TCFL5: variants seen among roughly 807,000 people sequenced by gnomAD.
TCFL5 encodes transcription factor-like 5 protein.
A neutral mutation model predicts 44.3 loss-of-function variants in TCFL5; 9 were observed. That is an observed-to-expected ratio of 0.20 (90% CI 0.12 to 0.35). TCFL5 has a LOEUF of 0.35. TCFL5 is among the 10% of genes least tolerant of loss of function. The probability of loss-of-function intolerance (pLI) is 1.00; values close to 1 mark genes in which losing one functional copy is unlikely to be tolerated. For synonymous variants in TCFL5, 319 were observed against 271.6 expected (o/e 1.17, Z -1.72); for missense variants, 603 against 613.4 (o/e 0.98, Z 0.18).
chr20:62,861,544 C>G lies in TCFL5; in HGVS notation c.127G>C (p.Asp43His). 8.7e-7 allele frequency: 1 copy of G among 1,153,560 alleles called. No homozygotes were observed. Among genetic ancestry groups the G allele is most frequent in the Non-Finnish European group, 1.1e-6 (1 of 923,488 alleles). 71.5% of individuals were successfully genotyped at this position (1,153,560 alleles called of 1,614,324 possible). A position where few individuals can be genotyped will look rare whatever the true frequency, so the allele number is the denominator to read the frequency against. ...TCCGTCATCTCCACCAGGCTCAGGTCGGTGGTCGTGAAGCTCAGCCCCGGC... is the reference window on the plus strand; with the variant it reads ...TCCGTCATCTCCACCAGGCTCAGGTGGGTGGTCGTGAAGCTCAGCCCCGGC... Reference protein sequence around the residue: ...GEPGLSFTTTDLSLVEMTEVE... With the variant: ...GEPGLSFTTTHLSLVEMTEVE... The change falls in exon 1 of 6, where the codon GAC (aspartate) becomes CAC (histidine). Residue 43 changes from aspartate (D) to histidine (H), a missense_variant. By Grantham distance (81) the Asp-to-His change is moderately conservative. Transcript: ENST00000335351. This position sits in a 1 kb window ranked among gnomAD's most constrained non-coding sequence, Gnocchi z 4.0.
At chr20:62,860,348 G>C (rs990472028) in intron 1 of TCFL5, 40 bp from the exon 2 acceptor site, 1 of 1,561,586 alleles carries the variant, frequency 6.4e-7, no homozygotes, top group Non-Finnish European at 8.8e-7. Context: ...TCAGCAATAC[G>C]TGGCAGACAA....
chr20:62,844,074 G>T (rs554264781), intron 5 of TCFL5, among the ~76,000 whole-genome samples: 1 of 152,240 alleles, frequency 6.6e-6, no homozygotes, highest in South Asian at 2.1e-4. Flanking sequence ...ATCCATTTGG[G>T]TCCCTGTTTC....
At chr20:62,851,560 A>G (rs2063810046) in intron 5 of TCFL5, 1 of 985,298 alleles carries the variant, frequency 1.0e-6, no homozygotes, top group Non-Finnish European at 1.2e-6. Flanking sequence ...AATCTTCAAG[A>G]GTAACTGCAT....
chr20:62,853,648 G>T (rs2063845647), intron 5 of TCFL5, among the ~76,000 whole-genome samples: 1 of 152,162 alleles, frequency 6.6e-6, no homozygotes, highest in Admixed American at 6.5e-5. Flanking sequence ...ACTGTGGCTG[G>T]CCGGTTTTTG....
rs1174108428 is a variant in TCFL5 at position 62,861,145 on chromosome 20, C to T, written c.526G>A (p.Glu176Lys). The T allele has an allele frequency of 2.9e-5, 29 of 1,004,820 alleles. No homozygotes were observed. Among genetic ancestry groups the T allele is most frequent in the Non-Finnish European group, 3.3e-5 (28 of 845,138 alleles). The allele number at this position is 1,004,820 out of a possible 1,614,324, so 62.2% of individuals were successfully genotyped here. ...CGCACGGCCGGCTTGGCCCGGGCCT[C>T]GGGCGCGCCGTCGGGTCCAGCCGCA... ...AAAAGPDGAPEARAKPAVRVR... is the reference protein window; with the variant it reads ...AAAAGPDGAPKARAKPAVRVR... The change falls in exon 1 of 6, where the codon GAG becomes AAG. Residue 176 changes from glutamate to lysine, a missense_variant. By Grantham distance (56) the Glu-to-Lys change is moderately conservative. Transcript: ENST00000335351. The surrounding 1 kb of genome is among the most constrained non-coding windows in gnomAD (Gnocchi z 4.0).
At chr20:62,857,703 A>G in intron 3 of TCFL5, 65 bp from the exon 4 acceptor site, 2 of 1,558,128 alleles carry the variant, frequency 1.3e-6, no homozygotes, top group Admixed American at 1.9e-5. Context: ...TGCTGAATAC[A>G]GTTTTGGCCT....
chr20:62,851,792 G>A (rs886729501), intron 5 of TCFL5: 1 of 985,252 alleles, frequency 1.0e-6, no homozygotes, highest in African/African-American at 1.7e-5. Flanking sequence ...CCTCTCTCTA[G>A]CCCCACCATG....
At chr20:62,859,703 GTAT>G (rs1568795965) in intron 2 of TCFL5, among the ~76,000 whole-genome samples, 177 bp from the exon 3 acceptor site, 1 of 148,866 alleles carries the variant, frequency 6.7e-6, no homozygotes, top group Non-Finnish European at 1.5e-5. Flanking sequence ...ACTTTCACAG[GTAT>G]TTTTTTGTTT....
chr20:62,858,813 A>ATG (rs1231726132), intron 3 of TCFL5, among the ~76,000 whole-genome samples: 13 of 144,102 alleles, frequency 9.0e-5, no homozygotes, highest in Admixed American at 2.1e-4. Flanking sequence ...GGAAGGGGCT[A>ATG]CGCAGGTGTT....
intron 4 of TCFL5, 57 bp from the exon 5 acceptor site, chr20:62,854,214 A>C: frequency 6.3e-7 from 1 of 1,595,994 alleles, no homozygotes; most frequent in Non-Finnish European, 8.5e-7. Flanking sequence ...CAAACATGTA[A>C]AAGGAAGCGT....
In TCFL5 at chr20:62,857,328, T is replaced by G. The variant is rs539513182; in HGVS notation, c.1238+67A>C. The G allele has an allele frequency of 1.5e-5, 24 of 1,580,916 alleles. No individual in the cohort carries two copies. In the African/African-American group the frequency reaches 2.7e-4, roughly 18 times the overall value. The stretch of plus-strand genomic sequence containing the variant: ...CAGAAACGGCTAAGGATCACTCATC[T>G]GTGATAACCATGTATGACTAAGGTA... On this transcript the variant is annotated intron_variant, in intron 4 of 5. Coordinates refer to ENST00000335351, the MANE Select transcript of TCFL5 (RefSeq NM_006602.4).
chr20:62,860,491 A>C (rs1365080050), intron 1 of TCFL5, among the ~76,000 whole-genome samples, 183 bp from the exon 2 acceptor site: 1 of 152,214 alleles, frequency 6.6e-6, no homozygotes, highest in Non-Finnish European at 1.5e-5. Context: ...ATGGAGGAAA[A>C]GCAAAACTGC....
intron 5 of TCFL5, among the ~76,000 whole-genome samples, chr20:62,847,967 G>A (rs909875029): frequency 3.6e-5 from 5 of 137,642 alleles, no homozygotes; most frequent in South Asian, 4.3e-4. Flanking sequence ...ACAGACAAGC[G>A]CCGGGCAGCC....
intron 5 of TCFL5, among the ~76,000 whole-genome samples, chr20:62,847,436 T>A (rs2147252950): frequency 6.6e-6 from 1 of 152,280 alleles, no homozygotes; most frequent in Middle Eastern, 3.4e-3. Flanking sequence ...GCACTACCAC[T>A]GACCCCACAT....
intron 5 of TCFL5, among the ~76,000 whole-genome samples, chr20:62,848,066 C>T (rs1465343377): frequency 6.6e-6 from 1 of 152,226 alleles, no homozygotes; most frequent in Non-Finnish European, 1.5e-5. Context: ...CGGGAGAAGT[C>T]ACAGCGTGTC....
At chr20:62,848,683 A>T (rs2063773694) in intron 5 of TCFL5, among the ~76,000 whole-genome samples, 1 of 152,214 alleles carries the variant, frequency 6.6e-6, no homozygotes, top group East Asian at 1.9e-4. Flanking sequence ...GGTTGCAGTC[A>T]GCCGGGATCA....
intron 5 of TCFL5, among the ~76,000 whole-genome samples, chr20:62,849,018 A>C (rs866988536): frequency 1.3e-5 from 2 of 152,102 alleles, no homozygotes; most frequent in African/African-American, 2.4e-5. Context: ...AAATACAAAA[A>C]TTAGCCGGGC....
At position 62,861,017 on chromosome 20, in the gene TCFL5, C is replaced by G; in HGVS notation, c.647+7G>C. ...GCCCCGCCAGCCCCCGGCCGCCGGG[C>G]ACGCACTTGTTGAGCGCCCCGCCCG... On this transcript the variant is annotated splice_region_variant and intron_variant, in intron 1 of 5. Coordinates refer to ENST00000335351, the MANE Select transcript of TCFL5 (RefSeq NM_006602.4). This position sits in a 1 kb window ranked among gnomAD's most constrained non-coding sequence, Gnocchi z 4.0. 14 of 993,694 alleles carry G rather than the reference C, an allele frequency of 1.4e-5. No individual in the cohort carries two copies. The highest frequency in any genetic ancestry group is 1.7e-5 in the Non-Finnish European group (14 of 836,500). 61.6% of individuals were successfully genotyped at this position (993,694 alleles called of 1,614,324 possible).
At chr20:62,853,990 G>GA (rs1342952189) in intron 5 of TCFL5, 26 bp downstream of exon 5, 1 of 1,607,356 alleles carries the variant, frequency 6.2e-7, no homozygotes, top group South Asian at 1.1e-5. Context: ...GTAAAATTCT[G>GA]AAAATCTACC....
Sources: allele counts gnomAD v4.1 joint callset (sites outside exome capture counted in the v4.1 genomes callset), GRCh38; gene constraint gnomAD v4.1.1; non-coding constraint Gnocchi (gnomAD v3.1); transcripts MANE v1.5; gene names NCBI Gene and HGNC (gene_info 2026-07-23, HGNC 2026-07-21).